MAGI2: variants seen among roughly 807,000 people sequenced by gnomAD.
MAGI2 encodes membrane associated guanylate kinase, WW and PDZ domain containing 2.
In MAGI2, 35 loss-of-function variants were observed where a neutral mutation model predicts 133.3. The ratio of observed to expected loss-of-function variants is 0.26; its 90% CI spans 0.20 to 0.35. MAGI2 has a LOEUF of 0.35. Among genes scored for constraint, MAGI2 ranks in the 10% least tolerant of loss-of-function variants. MAGI2 has a pLI of 1.00. For synonymous variants in MAGI2, 729 were observed against 710.6 expected (o/e 1.03, Z -0.41); for missense variants, 1,636 against 1,863.4 (o/e 0.88, Z 2.25).
chr7:79,413,667 C>T (rs949022696), intron 1 of MAGI2: 1 of 151,898 alleles, frequency 6.6e-6, no homozygotes, highest in Non-Finnish European at 1.5e-5. Context: ...TCTGTTATTT[C>T]TTCTTTCATC....
intron 7 of MAGI2, among the ~76,000 whole-genome samples, chr7:78,348,656 G>A (rs1264666434): frequency 6.6e-6 from 1 of 152,032 alleles, no homozygotes; most frequent in Non-Finnish European, 1.5e-5. Context: ...TATCCTTTAA[G>A]TAACAAATAA....
At chr7:79,035,958 T>C (rs1169096766) in intron 1 of MAGI2, among the ~76,000 whole-genome samples, 1 of 152,316 alleles carries the variant, frequency 6.6e-6, no homozygotes, top group African/African-American at 2.4e-5. Context: ...TTAAAAATTG[T>C]TTGAATAGAA....
At chr7:79,038,520 G>A (rs1003038361) in intron 1 of MAGI2, among the ~76,000 whole-genome samples, 2 of 151,986 alleles carry the variant, frequency 1.3e-5, no homozygotes, top group Non-Finnish European at 2.9e-5. Context: ...TTGCATTCAG[G>A]TTATACTTTC....
At chr7:78,126,021 C>A (rs1820939630) in intron 19 of MAGI2, among the ~76,000 whole-genome samples, 184 bp from the exon 20 acceptor site, 1 of 152,146 alleles carries the variant, frequency 6.6e-6, no homozygotes, top group African/African-American at 2.4e-5. Context: ...AAGGTTTGAG[C>A]AGGCCAGAGC....
At chr7:78,216,669 G>A (rs1267852781) in intron 10 of MAGI2, among the ~76,000 whole-genome samples, 1 of 152,112 alleles carries the variant, frequency 6.6e-6, no homozygotes, top group Non-Finnish European at 1.5e-5. Flanking sequence ...TTAGATCTTG[G>A]TTTGCTCCAG....
intron 1 of MAGI2, chr7:79,353,655 G>C (rs1008362432): frequency 2.7e-6 from 1 of 364,268 alleles, no homozygotes; most frequent in Non-Finnish European, 5.5e-6. Context: ...GGGTGAGCAC[G>C]GGCATCACAC....
At chr7:78,320,137 C>T (rs1787850771) in intron 9 of MAGI2, among the ~76,000 whole-genome samples, 1 of 152,116 alleles carries the variant, frequency 6.6e-6, no homozygotes, top group Admixed American at 6.5e-5. Context: ...TAATAGACTA[C>T]CAACCAAAAA....
chr7:78,911,656 T>G (rs1798406241), intron 2 of MAGI2, among the ~76,000 whole-genome samples: 1 of 110,932 alleles, frequency 9.0e-6, no homozygotes, highest in Non-Finnish European at 1.7e-5. Flanking sequence ...TTATAAAAAA[T>G]TATGTGTGTA....
In MAGI2 at chr7:78,667,007, T is replaced by C. The variant is rs116647950; in HGVS notation, c.419-39768A>G. 4.4e-3 allele frequency among the ~76,000 whole-genome samples: 677 copies of C among 152,292 alleles called. 8 individuals are homozygous for C. The highest frequency in any genetic ancestry group is 0.015 in the African/African-American group (642 of 41,570). The stretch of plus-strand genomic sequence containing the variant: ...ACTATATTTTAACTCATTGCAAACA[T>C]AGAGAGTTGATCTTTTTTATTTTAA... On this transcript the variant is annotated intron_variant, in intron 2 of 21. Transcript: ENST00000354212.
chr7:79,184,478 A>AT (rs1826891330), intron 1 of MAGI2, among the ~76,000 whole-genome samples: 2 of 151,626 alleles, frequency 1.3e-5, no homozygotes, highest in African/African-American at 4.8e-5. Context: ...TTAAAATATT[A>AT]AAGTTAAAAT....
chr7:78,965,995 C>T (rs1202978772), intron 2 of MAGI2, among the ~76,000 whole-genome samples: 1 of 151,954 alleles, frequency 6.6e-6, no homozygotes, highest in Non-Finnish European at 1.5e-5. Flanking sequence ...ATATAAGGCC[C>T]AAGTTCCATC....
chr7:78,554,215 T>A (rs1467623573), intron 3 of MAGI2, among the ~76,000 whole-genome samples: 1 of 152,150 alleles, frequency 6.6e-6, no homozygotes, highest in East Asian at 1.9e-4. Flanking sequence ...AACCACACTG[T>A]CATGATTACA....
Position 78,019,173 on chromosome 7 carries a change from G to GGGACTTCACGTC in MAGI2, c.*130_*141dup. On this transcript the variant is annotated 3_prime_UTR_variant, in exon 22 of 22. Transcript: ENST00000354212. Reference sequence around the variant, plus strand: ...TGCCGCCCAAGCACACCGGACACGTGGGACTTCACGTCGATGCTCCCAGGC... The same window carrying GGGACTTCACGTC: ...TGCCGCCCAAGCACACCGGACACGTGGGACTTCACGTCGGACTTCACGTCGATGCTCCCAGGC... 1 of 966,150 alleles carries GGGACTTCACGTC rather than the reference G, an allele frequency of 1.0e-6. No homozygotes were observed. Among genetic ancestry groups the GGGACTTCACGTC allele is most frequent in the Non-Finnish European group, 1.5e-6 (1 of 654,890 alleles). The allele number at this position is 966,150 out of a possible 1,614,324, so 59.8% of individuals were successfully genotyped here. A position where few individuals can be genotyped will look rare whatever the true frequency, so the allele number is the denominator to read the frequency against.
At position 79,280,501 on chromosome 7, in the gene MAGI2, A is replaced by G. The variant is rs148382778; in HGVS notation, c.301+172519T>C. ...GAAGTTTTCGGAAGATTTTCCATGT[A>G]GCATGTATTGGAAGTCAGGGAGTAA... On this transcript the variant is annotated intron_variant, in intron 1 of 21. Coordinates refer to ENST00000354212, the MANE Select transcript of MAGI2 (RefSeq NM_012301.4). 4.3e-4 allele frequency among the ~76,000 whole-genome samples: 66 copies of G among 152,316 alleles called. No individual in the cohort carries two copies. The East Asian group carries it at 0.012, about 27-fold the overall frequency.
intron 2 of MAGI2, among the ~76,000 whole-genome samples, chr7:78,721,741 A>C (rs1379007522): frequency 6.6e-6 from 1 of 152,006 alleles, no homozygotes; most frequent in Non-Finnish European, 1.5e-5. Context: ...ATTTGTTCAG[A>C]CAAGCTTTCC....
chr7:78,209,512 T>C (rs914858066), intron 10 of MAGI2, among the ~76,000 whole-genome samples: 3 of 151,810 alleles, frequency 2.0e-5, no homozygotes, highest in African/African-American at 4.8e-5. Context: ...CTGCCCACCA[T>C]GGCTTCCCAA....
At chr7:78,854,795 C>T (rs140282076) in intron 2 of MAGI2, among the ~76,000 whole-genome samples, 6 of 151,844 alleles carry the variant, frequency 4.0e-5, no homozygotes, top group Admixed American at 2.6e-4. Flanking sequence ...GTATTTATTT[C>T]GATTCAGTAA....
intron 1 of MAGI2, among the ~76,000 whole-genome samples, chr7:79,319,187 G>T (rs1838983924): frequency 6.6e-6 from 1 of 152,130 alleles, no homozygotes; most frequent in East Asian, 1.9e-4. Flanking sequence ...AGGTAAGTTT[G>T]GGATGTTTGC....
At chr7:79,248,227 G>A (rs1832960103) in intron 1 of MAGI2, among the ~76,000 whole-genome samples, 1 of 152,072 alleles carries the variant, frequency 6.6e-6, no homozygotes. Context: ...ATTTATGTCA[G>A]ACCAAATTGA....
Sources: allele counts gnomAD v4.1 joint callset (sites outside exome capture counted in the v4.1 genomes callset), GRCh38; gene constraint gnomAD v4.1.1; transcripts MANE v1.5; gene names NCBI Gene and HGNC (gene_info 2026-07-23, HGNC 2026-07-21).